INTS9: variants seen among roughly 807,000 people sequenced by gnomAD.
INTS9 encodes integrator complex subunit 9.
INTS9 carries 55 observed loss-of-function variants against 79.7 expected under a neutral mutation model. The ratio of observed to expected loss-of-function variants is 0.69; its 90% CI spans 0.56 to 0.86. The LOEUF (loss-of-function observed/expected upper bound fraction) is 0.86. Ranked by LOEUF, INTS9 falls within the 40% of genes least tolerant of loss-of-function variation. The probability of loss-of-function intolerance (pLI) is 0.00; values close to 1 mark genes in which losing one functional copy is unlikely to be tolerated. For missense variants in INTS9, 721 were observed against 831.5 expected (o/e 0.87, Z 1.64); for synonymous variants, 319 against 325.2 (o/e 0.98, Z 0.20).
In INTS9 at chr8:28,857,836, C is replaced by T. The variant is rs75723036; in HGVS notation, c.137+1600G>A. On this transcript the variant is annotated intron_variant, in intron 2 of 16. Transcript: ENST00000521022. ...TGTACTTATAATGTAATAAGTGCTA[C>T]GAAGACAAAGCAGCTGAGGGGATAG... is the stretch of plus-strand genomic sequence containing the variant. 3.0e-4 allele frequency among the ~76,000 whole-genome samples: 46 copies of T among 152,246 alleles called. No homozygotes were observed. The East Asian group carries it at 7.9e-3, about 26-fold the overall frequency.
At chr8:28,872,929 A>G (rs1164144859) in intron 1 of INTS9, among the ~76,000 whole-genome samples, 1 of 152,062 alleles carries the variant, frequency 6.6e-6, no homozygotes, top group Non-Finnish European at 1.5e-5. Context: ...CCATCCTAGC[A>G]GGTATACCAT....
intron 16 of INTS9, 48 bp from the exon 17 acceptor site, chr8:28,768,370 G>A (rs376520951): frequency 6.4e-7 from 1 of 1,554,922 alleles, no homozygotes; most frequent in Non-Finnish European, 8.8e-7. Context: ...CTGCACATCT[G>A]TGAGATCTGT....
intron 1 of INTS9, among the ~76,000 whole-genome samples, chr8:28,864,496 CAAAT>C (rs1229250559): frequency 1.3e-5 from 2 of 152,064 alleles, no homozygotes; most frequent in Non-Finnish European, 2.9e-5. Flanking sequence ...TTTTAAAAGT[CAAAT>C]AATTCATTGA....
chr8:28,793,779 C>A (rs73669449), intron 10 of INTS9, 28 bp downstream of exon 10: 147 of 1,188,484 alleles, frequency 1.2e-4, no homozygotes, highest in South Asian at 6.8e-4. Context: ...ATAAAATTCA[C>A]AAAAAAAAAA....
intron 1 of INTS9, among the ~76,000 whole-genome samples, chr8:28,883,410 G>A (rs560972459): frequency 6.6e-6 from 1 of 152,342 alleles, no homozygotes; most frequent in South Asian, 2.1e-4. Flanking sequence ...CTGAGAGCAT[G>A]TGAGGATAGA....
chr8:28,846,779 C>CA lies in INTS9; in HGVS notation c.228dup (p.Val77CysfsTer27). The CA allele has an allele frequency of 6.2e-7, 1 of 1,613,676 alleles. No homozygotes were observed. Among genetic ancestry groups the CA allele is most frequent in the Non-Finnish European group, 8.5e-7 (1 of 1,179,656 alleles). ...AAACAGAATTCCGGCACAGAATCCA[C>CA]AAATACATGACCCGAGCACTCCTTT... is the stretch of plus-strand genomic sequence containing the variant. On this transcript the variant is annotated frameshift_variant, in exon 4 of 17. Transcript: ENST00000521022. LOFTEE classifies it high-confidence loss of function.
intron 10 of INTS9, among the ~76,000 whole-genome samples, chr8:28,793,080 T>G (rs1288238643): frequency 6.6e-6 from 1 of 152,110 alleles, no homozygotes; most frequent in East Asian, 1.9e-4. Flanking sequence ...GAGAAGATGA[T>G]GTACAAATTC....
intron 8 of INTS9, among the ~76,000 whole-genome samples, chr8:28,803,901 C>T (rs766583925): frequency 1.4e-4 from 22 of 152,068 alleles, no homozygotes; most frequent in Non-Finnish European, 3.2e-4. Flanking sequence ...GAACTGCTGG[C>T]ATGCTCCCAG....
chr8:28,767,874 C>T lies in INTS9; in HGVS notation c.*272G>A, dbSNP rs1802300528. 2 of 432,834 alleles carry T rather than the reference C, an allele frequency of 4.6e-6. No individual in the cohort carries two copies. Among genetic ancestry groups the T allele is most frequent in the Non-Finnish European group, 8.5e-6 (2 of 234,166 alleles). The allele number at this position is 432,834 out of a possible 1,614,324, so 26.8% of individuals were successfully genotyped here. ...CGCCTCCCATGAACCTCTTGGAAAACTTCTCCTGTCCCACTTCTGCCACCC... is the reference window on the plus strand; with the variant it reads ...CGCCTCCCATGAACCTCTTGGAAAATTTCTCCTGTCCCACTTCTGCCACCC... On this transcript the variant is annotated 3_prime_UTR_variant, in exon 17 of 17. Transcript: ENST00000521022.
intron 6 of INTS9, among the ~76,000 whole-genome samples, chr8:28,814,263 A>G (rs1805332460): frequency 6.8e-6 from 1 of 146,846 alleles, no homozygotes; most frequent in Admixed American, 6.9e-5. Context: ...TCTCTCCTGA[A>G]ACAACACTGA....
chr8:28,814,728 TACAGAGGA>T (rs1805371092), intron 6 of INTS9, among the ~76,000 whole-genome samples: 1 of 152,130 alleles, frequency 6.6e-6, no homozygotes, highest in Non-Finnish European at 1.5e-5. Flanking sequence ...AACAAAAATT[TACAGAGGA>T]ACAATGTTCC....
At chr8:28,839,645 T>A (rs1021474960) in intron 4 of INTS9, among the ~76,000 whole-genome samples, 1 of 152,066 alleles carries the variant, frequency 6.6e-6, no homozygotes, top group Non-Finnish European at 1.5e-5. Context: ...CGCATATCTA[T>A]AACTATCTGA....
At chr8:28,865,888 A>G (rs1808718628) in intron 1 of INTS9, among the ~76,000 whole-genome samples, 1 of 152,124 alleles carries the variant, frequency 6.6e-6, no homozygotes, top group African/African-American at 2.4e-5. Flanking sequence ...TGGAATGCCT[A>G]TTAAATGCAT....
At chr8:28,859,703 C>T in intron 1 of INTS9, 140 bp from the exon 2 acceptor site, 3 of 878,796 alleles carry the variant, frequency 3.4e-6, no homozygotes, top group Non-Finnish European at 5.5e-6. Flanking sequence ...GGTTTCCGCC[C>T]TTTTACTGCT....
chr8:28,880,524 G>C (rs1809670626), intron 1 of INTS9, among the ~76,000 whole-genome samples: 1 of 151,834 alleles, frequency 6.6e-6, no homozygotes, highest in South Asian at 2.1e-4. Context: ...GCCTCCCGAG[G>C]TGCCGGGATT....
intron 6 of INTS9, among the ~76,000 whole-genome samples, chr8:28,819,040 T>C (rs1021760937): frequency 6.6e-6 from 1 of 152,174 alleles, no homozygotes; most frequent in Middle Eastern, 3.2e-3. Context: ...GATTCTTCTC[T>C]CTTTTCTTCT....
chr8:28,811,237 C>T (rs573785345), intron 8 of INTS9, among the ~76,000 whole-genome samples: 3 of 151,832 alleles, frequency 2.0e-5, no homozygotes, highest in Admixed American at 6.6e-5. Flanking sequence ...AAGTGATTCT[C>T]CCGCCTCAGC....
At chr8:28,773,574 C>A (rs1186527451) in intron 14 of INTS9, among the ~76,000 whole-genome samples, 1 of 146,398 alleles carries the variant, frequency 6.8e-6, no homozygotes, top group African/African-American at 2.6e-5. Flanking sequence ...TTTCTTGAGA[C>A]GGAGTCTCGC....
intron 4 of INTS9, among the ~76,000 whole-genome samples, chr8:28,844,829 TTC>T (rs1807411610): frequency 6.6e-6 from 1 of 152,186 alleles, no homozygotes; most frequent in African/African-American, 2.4e-5. Flanking sequence ...AAAAAAATTT[TTC>T]TTTTTATAAT....
Sources: allele counts gnomAD v4.1 joint callset (sites outside exome capture counted in the v4.1 genomes callset), GRCh38; gene constraint gnomAD v4.1.1; transcripts MANE v1.5; gene names NCBI Gene and HGNC (gene_info 2026-07-23, HGNC 2026-07-21).